The following KSR1 variants were observed in gnomAD, a reference collection of about 807,000 sequenced individuals.
The protein encoded by KSR1 is kinase suppressor of ras.
A neutral mutation model predicts 92.9 loss-of-function variants in KSR1; 35 were observed. The ratio of observed to expected loss-of-function variants is 0.38; its 90% CI spans 0.29 to 0.50. KSR1 has a LOEUF of 0.50. KSR1 is among the 20% of genes least tolerant of loss of function. The probability of loss-of-function intolerance (pLI) is 0.94; values close to 1 mark genes in which losing one functional copy is unlikely to be tolerated. For synonymous variants in KSR1, 467 were observed against 472.6 expected (o/e 0.99, Z 0.15); for missense variants, 972 against 1,158.5 (o/e 0.84, Z 2.34).
At position 27,577,284 on chromosome 17, in the gene KSR1, A is replaced by T. The variant is rs1408210798; in HGVS notation, c.373-208A>T. Among the ~76,000 whole-genome samples, 1 of 151,820 alleles carries T rather than the reference A, an allele frequency of 6.6e-6. No homozygotes were observed. Among genetic ancestry groups the T allele is most frequent in the Non-Finnish European group, 1.5e-5 (1 of 67,964 alleles). ...TACTTCCTCCCCTCACCCCCCACCGAGTCTGCTTCAGCTGCTGTCTCTGGG... is the reference window on the plus strand; with the variant it reads ...TACTTCCTCCCCTCACCCCCCACCGTGTCTGCTTCAGCTGCTGTCTCTGGG... On this transcript the variant is annotated intron_variant, in intron 2 of 20. Coordinates refer to ENST00000644974, the MANE Select transcript of KSR1 (RefSeq NM_001394583.1). The surrounding 1 kb of genome is among the most constrained non-coding windows in gnomAD (Gnocchi z 4.5).
chr17:27,593,972 C>A (rs2073255506), intron 9 of KSR1, among the ~76,000 whole-genome samples: 2 of 152,156 alleles, frequency 1.3e-5, no homozygotes, highest in African/African-American at 4.8e-5. Context: ...TTCCTGAGGG[C>A]TCTGCCCTGA....
At chr17:27,485,236 G>A (rs888550856) in intron 1 of KSR1, among the ~76,000 whole-genome samples, 35 of 152,222 alleles carry the variant, frequency 2.3e-4, no homozygotes, top group Admixed American at 3.9e-4. Context: ...CTGGCATGGT[G>A]TCCACATGTG....
intron 2 of KSR1, among the ~76,000 whole-genome samples, chr17:27,554,521 C>T (rs964418910): frequency 2.0e-5 from 3 of 152,210 alleles, no homozygotes; most frequent in Non-Finnish European, 2.9e-5. Flanking sequence ...GAACTGCACA[C>T]GCGAGGGATC....
At chr17:27,558,643 G>A (rs545910016) in intron 2 of KSR1, among the ~76,000 whole-genome samples, 26 of 152,126 alleles carry the variant, frequency 1.7e-4, no homozygotes, top group Non-Finnish European at 3.1e-4. Context: ...TAGAGGTCAG[G>A]GATGCCAGAC....
At chr17:27,487,767 C>G (rs924569182) in intron 1 of KSR1, among the ~76,000 whole-genome samples, 5 of 152,074 alleles carry the variant, frequency 3.3e-5, no homozygotes, top group African/African-American at 1.2e-4. Flanking sequence ...GCTTTTACTC[C>G]TAGCCGAAGG....
At chr17:27,619,395 CTTT>C (rs147046166) in intron 19 of KSR1, among the ~76,000 whole-genome samples, 11 of 131,846 alleles carry the variant, frequency 8.3e-5, no homozygotes, top group Non-Finnish European at 9.9e-5. Flanking sequence ...TGGGCTGTAT[CTTT>C]TTTTTTTTTT....
intron 15 of KSR1, among the ~76,000 whole-genome samples, chr17:27,608,928 A>G (rs2073840179): frequency 6.6e-6 from 1 of 152,114 alleles, no homozygotes; most frequent in Admixed American, 6.5e-5. Flanking sequence ...ACCTTAGCCA[A>G]GGTTAACATG....
chr17:27,502,054 T>C (rs997690518), intron 1 of KSR1, among the ~76,000 whole-genome samples: 3 of 152,232 alleles, frequency 2.0e-5, no homozygotes, highest in Non-Finnish European at 2.9e-5. Context: ...CATGCCTGCC[T>C]CCTTGATTGG....
intron 1 of KSR1, among the ~76,000 whole-genome samples, chr17:27,484,313 CCT>C (rs1368305582): frequency 6.6e-6 from 1 of 152,230 alleles, no homozygotes; most frequent in African/African-American, 2.4e-5. Context: ...CTCATTGCAA[CCT>C]CTGCCTCCCA....
intron 2 of KSR1, among the ~76,000 whole-genome samples, chr17:27,564,173 TA>T (rs1358125334): frequency 6.6e-6 from 1 of 152,014 alleles, no homozygotes; most frequent in African/African-American, 2.4e-5. Context: ...GTATTTTTAG[TA>T]AAGACAGGGT....
At chr17:27,481,821 T>C (rs2068520167) in intron 1 of KSR1, among the ~76,000 whole-genome samples, 1 of 152,184 alleles carries the variant, frequency 6.6e-6, no homozygotes, top group Admixed American at 6.5e-5. Context: ...TCCCTCCCAC[T>C]GTCCCTTCTC....
intron 1 of KSR1, among the ~76,000 whole-genome samples, chr17:27,525,653 A>AT (rs776653967): frequency 1.8e-4 from 28 of 152,114 alleles, no homozygotes; most frequent in Non-Finnish European, 3.2e-4. Flanking sequence ...CTGAGTTTGC[A>AT]TTTTTTCCCA....
intron 1 of KSR1, chr17:27,526,587 T>C (rs2151032517): frequency 1.3e-6 from 2 of 1,588,692 alleles, no homozygotes; most frequent in South Asian, 1.1e-5. Flanking sequence ...TCAGTTGCAA[T>C]TGTAAGATGG....
chr17:27,612,226 T>TG (rs2073940561), intron 18 of KSR1, among the ~76,000 whole-genome samples: 1 of 152,222 alleles, frequency 6.6e-6, no homozygotes, highest in South Asian at 2.1e-4. Context: ...AATAGAGCGT[T>TG]GCACTGGGAA....
intron 1 of KSR1, among the ~76,000 whole-genome samples, chr17:27,500,201 G>A (rs1044929003): frequency 1.3e-5 from 2 of 152,176 alleles, no homozygotes; most frequent in African/African-American, 4.8e-5. Flanking sequence ...GCAATGCAGT[G>A]GGTGTAAAGC....
intron 1 of KSR1, among the ~76,000 whole-genome samples, chr17:27,540,721 G>C (rs1457706362): frequency 6.6e-6 from 1 of 152,246 alleles, no homozygotes; most frequent in Non-Finnish European, 1.5e-5. Flanking sequence ...GTCAGCCCCC[G>C]TGGGCGCCCT....
At chr17:27,497,167 T>TC (rs1461770339) in intron 1 of KSR1, among the ~76,000 whole-genome samples, 7 of 152,204 alleles carry the variant, frequency 4.6e-5, no homozygotes, top group Admixed American at 4.6e-4. Context: ...CAGCAGACGT[T>TC]CCCAAAAAGG....
chr17:27,579,185 C>T (rs984138743), intron 3 of KSR1: 1 of 152,362 alleles, frequency 6.6e-6, no homozygotes, highest in Admixed American at 6.5e-5. Context: ...TTCACGGGCA[C>T]CTGCTGGGAT....
rs760616369 is a variant in KSR1 at position 27,582,811 on chromosome 17, C to T, written c.686C>T (p.Ser229Phe). The change falls in exon 4 of 21, where the codon TCC (serine) becomes TTC (phenylalanine). Residue 229 changes from serine (S) to phenylalanine (F), a missense_variant. By Grantham distance (155) the Ser-to-Phe change is radical. Transcript: ENST00000644974. ...GNSAQGPRSI[S>F]VSALPASDSP... ...AGCGCCCAGGGCCCACGCTCCATCT[C>T]CGTGTCAGCTCTGCCCGCCTCAGAC... The T allele has an allele frequency of 3.7e-6, 6 of 1,613,644 alleles. No homozygotes were observed. The Admixed American group carries it at 8.3e-5, about 22-fold the overall frequency.
Sources: allele counts gnomAD v4.1 joint callset (sites outside exome capture counted in the v4.1 genomes callset), GRCh38; gene constraint gnomAD v4.1.1; non-coding constraint Gnocchi (gnomAD v3.1); transcripts MANE v1.5; gene names NCBI Gene and HGNC (gene_info 2026-07-23, HGNC 2026-07-21).